Variants in PPM1H observed in about 807,000 individuals in gnomAD.
The protein encoded by PPM1H is protein phosphatase 1H.
A neutral mutation model predicts 54.9 loss-of-function variants in PPM1H; 27 were observed. The observed-to-expected ratio is 0.49, with a 90% CI of 0.36 to 0.68. The LOEUF (loss-of-function observed/expected upper bound fraction) is 0.68, where lower values mean the gene tolerates loss of function less well. PPM1H is among the 30% of genes least tolerant of loss of function. PPM1H has a pLI of 0.00. For missense variants in PPM1H, 596 were observed against 667.8 expected (o/e 0.89, Z 1.19); for synonymous variants, 305 against 270.8 (o/e 1.13, Z -1.24).
At chr12:62,813,435 C>A (rs1364819337) in intron 2 of PPM1H, among the ~76,000 whole-genome samples, 3 of 152,208 alleles carry the variant, frequency 2.0e-5, no homozygotes, top group South Asian at 4.1e-4. Context: ...GTACGTAAGT[C>A]AATCCTCCGC....
intron 5 of PPM1H, among the ~76,000 whole-genome samples, chr12:62,723,053 G>A (rs771159289): frequency 3.9e-5 from 6 of 152,144 alleles, no homozygotes; most frequent in Non-Finnish European, 7.3e-5. Context: ...TACCTTAAAT[G>A]TGCTCAGAAC....
At chr12:62,837,370 T>C (rs1868534077) in intron 1 of PPM1H, among the ~76,000 whole-genome samples, 1 of 152,162 alleles carries the variant, frequency 6.6e-6, no homozygotes, top group African/African-American at 2.4e-5. Context: ...CCCAGAATAG[T>C]TTTCAACAGA....
intron 4 of PPM1H, among the ~76,000 whole-genome samples, chr12:62,774,456 C>G (rs915708867): frequency 1.3e-5 from 2 of 152,172 alleles, no homozygotes; most frequent in African/African-American, 4.8e-5. Flanking sequence ...ATCCTCCCAC[C>G]TCAGCCCCCT....
intron 1 of PPM1H, among the ~76,000 whole-genome samples, chr12:62,860,640 C>T (rs1176412412): frequency 1.3e-5 from 2 of 152,120 alleles, no homozygotes; most frequent in African/African-American, 4.8e-5. Context: ...CTGATTATGA[C>T]GTACTGAATC....
At position 62,659,337 on chromosome 12, in the gene PPM1H, C is replaced by T. The variant is rs529712362; in HGVS notation, c.1397+7841G>A. 3.6e-4 allele frequency: 161 copies of T among 450,566 alleles called. 1 individual carries two copies. In the South Asian group the frequency reaches 3.6e-3, roughly 10 times the overall value. 27.9% of individuals were successfully genotyped at this position (450,566 alleles called of 1,614,324 possible). Reference sequence around the variant, plus strand: ...ATATTCTGGCTCATCCATAAAGCCGCCTTTTAATTTTCTGGTTCCTTTGTT... The same window carrying T: ...ATATTCTGGCTCATCCATAAAGCCGTCTTTTAATTTTCTGGTTCCTTTGTT... On this transcript the variant is annotated intron_variant, in intron 9 of 9. Transcript: ENST00000228705.
At chr12:62,787,926 C>A (rs537931181) in intron 4 of PPM1H, among the ~76,000 whole-genome samples, 3 of 152,182 alleles carry the variant, frequency 2.0e-5, no homozygotes, top group Non-Finnish European at 4.4e-5. Context: ...TTTCCTTCCT[C>A]CTCATCACTC....
intron 8 of PPM1H, among the ~76,000 whole-genome samples, chr12:62,681,200 T>A (rs1205989856): frequency 6.6e-6 from 1 of 152,156 alleles, no homozygotes; most frequent in African/African-American, 2.4e-5. Context: ...TTCAGAAAAC[T>A]TACGGCAAAA....
chr12:62,897,262 C>T (rs904566629), intron 1 of PPM1H, among the ~76,000 whole-genome samples: 1 of 151,782 alleles, frequency 6.6e-6, no homozygotes, highest in African/African-American at 2.4e-5. Context: ...AAAAAAATTG[C>T]CAGTGTTTTT....
At chr12:62,762,020 C>T (rs2076512034) in intron 4 of PPM1H, among the ~76,000 whole-genome samples, 1 of 152,250 alleles carries the variant, frequency 6.6e-6, no homozygotes, top group South Asian at 2.1e-4. Flanking sequence ...CCAGTCAGTG[C>T]TCCGTCTGCA....
At chr12:62,704,591 C>T (rs940128270) in intron 6 of PPM1H, among the ~76,000 whole-genome samples, 4 of 152,206 alleles carry the variant, frequency 2.6e-5, no homozygotes, top group African/African-American at 7.2e-5. Flanking sequence ...ACCTGATAGA[C>T]TTCTGCTAAT....
intron 2 of PPM1H, among the ~76,000 whole-genome samples, chr12:62,814,662 G>A (rs1001620504): frequency 9.9e-5 from 15 of 152,146 alleles, no homozygotes; most frequent in Non-Finnish European, 1.9e-4. Flanking sequence ...TAACTATTCA[G>A]GTATTTATAC....
chr12:62,806,916 C>T lies in PPM1H; in HGVS notation c.412-4756G>A, dbSNP rs556740958. 5.9e-5 allele frequency among the ~76,000 whole-genome samples: 9 copies of T among 152,260 alleles called. No individual in the cohort carries two copies. The South Asian group carries it at 1.7e-3, about 28-fold the overall frequency. ...ATCAAAGAGAGGACAAGGAGAAATT[C>T]TTAGTACTACAAGGCCAGCCTGCAG... On this transcript the variant is annotated intron_variant, in intron 2 of 9. Coordinates refer to ENST00000228705, the MANE Select transcript of PPM1H (RefSeq NM_020700.2).
At chr12:62,932,628 C>CTTTTTTTTGTTTTTTTTTTTT (rs1872177893) in intron 1 of PPM1H, among the ~76,000 whole-genome samples, 2 of 54,012 alleles carry the variant, frequency 3.7e-5, no homozygotes, top group Non-Finnish European at 6.4e-5. Flanking sequence ...TCCAAATGGG[C>CTTTTTTTTGTTTTTTTTTTTT]TTTTTTTTTT....
intron 6 of PPM1H, among the ~76,000 whole-genome samples, chr12:62,701,824 C>T (rs1333722843): frequency 6.6e-6 from 1 of 152,174 alleles, no homozygotes; most frequent in Non-Finnish European, 1.5e-5. Flanking sequence ...GTTCTCTGCT[C>T]CTGCTCATCC....
chr12:62,829,090 C>G (rs1416940648), intron 2 of PPM1H, among the ~76,000 whole-genome samples: 2 of 152,154 alleles, frequency 1.3e-5, no homozygotes, highest in African/African-American at 4.8e-5. Context: ...ATCAAATCCT[C>G]CTCTAGATAT....
intron 9 of PPM1H, among the ~76,000 whole-genome samples, chr12:62,664,682 G>A (rs1410264648): frequency 6.6e-6 from 1 of 152,148 alleles, no homozygotes; most frequent in African/African-American, 2.4e-5. Context: ...ATGACCACAT[G>A]TTTACTAATA....
chr12:62,725,609 T>A lies in PPM1H; in HGVS notation c.955-5320A>T, dbSNP rs75670199. On this transcript the variant is annotated intron_variant, in intron 5 of 9. Coordinates refer to ENST00000228705, the MANE Select transcript of PPM1H (RefSeq NM_020700.2). ...TTACCTATTTCTTTAGGTCTTCAAT[T>A]TCTCATAAAGTCTCCTGTGTCATGT... Among the ~76,000 whole-genome samples, 504 of 152,346 alleles carry A rather than the reference T, an allele frequency of 3.3e-3. 3 individuals carry two copies. Among genetic ancestry groups the A allele is most frequent in the African/African-American group, 0.012 (488 of 41,584 alleles).
chr12:62,667,400 T>C (rs2075925584), intron 8 of PPM1H, 71 bp from the exon 9 acceptor site: 2 of 1,320,228 alleles, frequency 1.5e-6, no homozygotes, highest in Non-Finnish European at 2.0e-6. Flanking sequence ...AACTGACTTC[T>C]GATTCCCCTT....
At chr12:62,748,809 GA>G (rs1238267536) in intron 4 of PPM1H, among the ~76,000 whole-genome samples, 1 of 152,148 alleles carries the variant, frequency 6.6e-6, no homozygotes, top group Non-Finnish European at 1.5e-5. Context: ...ACCAGCCTGG[GA>G]ATCTGTGATT....
Sources: gnomAD v4.1 joint callset for allele counts (sites outside exome capture counted in the v4.1 genomes callset) on GRCh38, gnomAD v4.1.1 for gene constraint, MANE v1.5 for transcripts, NCBI Gene and HGNC (gene_info 2026-07-23, HGNC 2026-07-21) for gene names.